SPAG16: variants seen among roughly 807,000 people sequenced by gnomAD.
SPAG16 encodes sperm associated antigen 16.
Under a neutral mutation model 80.4 loss-of-function variants are expected in SPAG16, and 86 were observed. That is an observed-to-expected ratio of 1.07 (90% confidence interval 0.90 to 1.28). The LOEUF (loss-of-function observed/expected upper bound fraction) is 1.28. SPAG16 is among the 50% of genes most tolerant of loss of function. The pLI is 0.00. For missense variants in SPAG16, 870 were observed against 765.3 expected, an observed-to-expected ratio of 1.14 and a Z score of -1.61; for synonymous variants, 294 against 265.9, an observed-to-expected ratio of 1.11 and a Z score of -1.03.
intron 9 of SPAG16, among the ~76,000 whole-genome samples, chr2:213,476,637 C>T (rs1034420858): frequency 6.6e-6 from 1 of 152,142 alleles, no homozygotes; most frequent in Non-Finnish European, 1.5e-5. Context: ...GGATGAACCC[C>T]CAGAAATGTT....
chr2:213,514,601 G>A (rs868315472), intron 10 of SPAG16, among the ~76,000 whole-genome samples: 5 of 146,002 alleles, frequency 3.4e-5, no homozygotes, highest in Non-Finnish European at 6.0e-5. Context: ...ATATCTCCCA[G>A]TGCTATCCCT....
intron 3 of SPAG16, among the ~76,000 whole-genome samples, chr2:213,306,894 T>C (rs2062963324): frequency 6.6e-6 from 1 of 152,208 alleles, no homozygotes; most frequent in East Asian, 1.9e-4. Flanking sequence ...CTTTCAGCAA[T>C]ATGAAGTTAA....
intron 10 of SPAG16, among the ~76,000 whole-genome samples, chr2:213,542,691 TAGAA>T (rs1197857993): frequency 5.3e-5 from 8 of 152,060 alleles, no homozygotes; most frequent in South Asian, 2.1e-4. Context: ...ATTATGCAAA[TAGAA>T]AGAGAAAAAA....
At chr2:213,307,534 C>T (rs542538876) in intron 3 of SPAG16, among the ~76,000 whole-genome samples, 1,606 of 141,606 alleles carry the variant, frequency 0.011, 24 homozygotes, top group South Asian at 0.018. Flanking sequence ...AGGACATGAA[C>T]TCATCATTTT....
chr2:213,597,646 A>G (rs756787221), intron 10 of SPAG16, among the ~76,000 whole-genome samples: 2 of 152,150 alleles, frequency 1.3e-5, no homozygotes, highest in Admixed American at 6.5e-5. Context: ...TATAGTAGCT[A>G]AAGTCTATGC....
chr2:214,244,554 A>G (rs761027143), intron 15 of SPAG16, among the ~76,000 whole-genome samples: 14 of 152,070 alleles, frequency 9.2e-5, no homozygotes, highest in South Asian at 2.1e-4. Flanking sequence ...CCCACAAAAA[A>G]TCATACATTA....
intron 12 of SPAG16, among the ~76,000 whole-genome samples, chr2:213,932,481 G>A (rs932576948): frequency 2.6e-5 from 4 of 151,988 alleles, no homozygotes; most frequent in Non-Finnish European, 5.9e-5. Context: ...GGGGTTACAG[G>A]CGTGAACCAC....
At chr2:214,026,110 C>T (rs1219895903) in intron 13 of SPAG16, among the ~76,000 whole-genome samples, 1 of 151,272 alleles carries the variant, frequency 6.6e-6, no homozygotes, top group Non-Finnish European at 1.5e-5. Context: ...TTTGTTTGTC[C>T]AAAAACAGTT....
At chr2:213,315,652 G>A (rs1049564343) in intron 4 of SPAG16, among the ~76,000 whole-genome samples, 2 of 151,164 alleles carry the variant, frequency 1.3e-5, no homozygotes, top group African/African-American at 4.9e-5. Flanking sequence ...TCTCTCAGAC[G>A]TACTCTCAGT....
chr2:213,501,141 A>G (rs1022855682), intron 10 of SPAG16, among the ~76,000 whole-genome samples: 2 of 152,206 alleles, frequency 1.3e-5, no homozygotes, highest in East Asian at 1.9e-4. Flanking sequence ...CCTGATCTCA[A>G]TAGGGAATTC....
chr2:214,336,302 T>C (rs982848186), intron 15 of SPAG16, among the ~76,000 whole-genome samples: 5 of 152,158 alleles, frequency 3.3e-5, no homozygotes, highest in Admixed American at 6.5e-5. Flanking sequence ...ATGGGTGGGG[T>C]CTCAAATCAC....
At chr2:213,817,678 T>A (rs1021285891) in intron 10 of SPAG16, among the ~76,000 whole-genome samples, 2 of 152,132 alleles carry the variant, frequency 1.3e-5, no homozygotes, top group Admixed American at 6.6e-5. Flanking sequence ...TCGTGTCCTT[T>A]GCAACTGGAG....
chr2:214,069,536 C>G (rs566970133), intron 13 of SPAG16, among the ~76,000 whole-genome samples: 1 of 152,120 alleles, frequency 6.6e-6, no homozygotes, highest in Non-Finnish European at 1.5e-5. Flanking sequence ...TTACTCAGAG[C>G]TGCCTTAAAC....
intron 15 of SPAG16, among the ~76,000 whole-genome samples, chr2:214,164,246 G>A (rs1030657929): frequency 6.6e-5 from 10 of 152,088 alleles, no homozygotes; most frequent in South Asian, 4.1e-4. Flanking sequence ...AATAGCTACC[G>A]AAATTAATGC....
intron 10 of SPAG16, among the ~76,000 whole-genome samples, chr2:213,580,553 C>T (rs1381641582): frequency 6.6e-6 from 1 of 152,024 alleles, no homozygotes; most frequent in African/African-American, 2.4e-5. Flanking sequence ...TAGATTATTT[C>T]CCAAAAGATT....
At chr2:214,110,127 TA>T (rs2053589526) in intron 14 of SPAG16, among the ~76,000 whole-genome samples, 2 of 152,158 alleles carry the variant, frequency 1.3e-5, no homozygotes, top group Admixed American at 1.3e-4. Context: ...AGGTGTCCAA[TA>T]TCAAAGTAGC....
intron 12 of SPAG16, among the ~76,000 whole-genome samples, chr2:213,939,383 A>G (rs975534502): frequency 6.6e-6 from 1 of 152,196 alleles, no homozygotes; most frequent in African/African-American, 2.4e-5. Flanking sequence ...TGACTTGGTC[A>G]TTGATCAAAA....
At chr2:213,451,750 G>T (rs1335462728) in intron 9 of SPAG16, among the ~76,000 whole-genome samples, 1 of 152,170 alleles carries the variant, frequency 6.6e-6, no homozygotes, top group African/African-American at 2.4e-5. Context: ...AACTGGTTAG[G>T]ACCGGGTGTG....
chr2:213,540,439 A>T (rs564041148), intron 10 of SPAG16, among the ~76,000 whole-genome samples: 9 of 152,328 alleles, frequency 5.9e-5, no homozygotes, highest in African/African-American at 1.7e-4. Context: ...ATCAGTGTGG[A>T]TATACATTTA....
Sources: allele counts gnomAD v4.1 joint callset (sites outside exome capture counted in the v4.1 genomes callset), GRCh38; gene constraint gnomAD v4.1.1; transcripts MANE v1.5; gene names NCBI Gene and HGNC (gene_info 2026-07-23, HGNC 2026-07-21).